Variants in PRKCA observed in about 807,000 individuals in gnomAD.
PRKCA encodes protein kinase C alpha type.
Under a neutral mutation model 87.0 loss-of-function variants are expected in PRKCA, and 27 were observed. The observed-to-expected ratio is 0.31, with a 90% CI of 0.23 to 0.43. The LOEUF is 0.43. Among genes scored for constraint, PRKCA ranks in the 20% least tolerant of loss-of-function variants. PRKCA has a pLI of 1.00. For synonymous variants in PRKCA, 329 were observed against 311.1 expected, an observed-to-expected ratio of 1.06 and a Z score of -0.61; for missense variants, 518 against 852.3, an observed-to-expected ratio of 0.61 and a Z score of 4.88.
intron 3 of PRKCA, among the ~76,000 whole-genome samples, chr17:66,622,364 C>T (rs550533616): frequency 7.2e-5 from 11 of 152,166 alleles, no homozygotes; most frequent in East Asian, 1.9e-4. Flanking sequence ...CAAACAGATA[C>T]GTTTACCATC....
intron 10 of PRKCA, 80 bp downstream of exon 10, chr17:66,735,742 G>C: frequency 6.7e-7 from 1 of 1,495,480 alleles, no homozygotes; most frequent in Non-Finnish European, 9.1e-7. Flanking sequence ...TAGCATCCTT[G>C]TTCCTTTGGA....
At chr17:66,730,919 T>A (rs1261268929) in intron 8 of PRKCA, among the ~76,000 whole-genome samples, 1 of 152,194 alleles carries the variant, frequency 6.6e-6, no homozygotes, top group Non-Finnish European at 1.5e-5. Flanking sequence ...CTGCTGCTGA[T>A]CCATAGTAAA....
intron 3 of PRKCA, among the ~76,000 whole-genome samples, chr17:66,594,261 C>T (rs567375509): frequency 7.2e-5 from 11 of 152,256 alleles, no homozygotes; most frequent in African/African-American, 2.2e-4. Flanking sequence ...CAAATCTGAT[C>T]GCGTTGCCCA....
At chr17:66,517,935 G>A (rs922461896) in intron 3 of PRKCA, among the ~76,000 whole-genome samples, 5 of 152,286 alleles carry the variant, frequency 3.3e-5, no homozygotes, top group East Asian at 1.9e-4. Flanking sequence ...GGATGGTTGT[G>A]AGTACGGCTG....
At chr17:66,347,415 T>C (rs1416614861) in intron 2 of PRKCA, among the ~76,000 whole-genome samples, 1 of 152,240 alleles carries the variant, frequency 6.6e-6, no homozygotes, top group Non-Finnish European at 1.5e-5. Flanking sequence ...TAACTGGAGA[T>C]ATTCTTTGAT....
At chr17:66,614,385 C>A (rs191911345) in intron 3 of PRKCA, among the ~76,000 whole-genome samples, 2 of 152,170 alleles carry the variant, frequency 1.3e-5, no homozygotes, top group African/African-American at 4.8e-5. Flanking sequence ...ATCTACCACA[C>A]GTGAGGCAGT....
intron 3 of PRKCA, among the ~76,000 whole-genome samples, chr17:66,544,060 C>T (rs949474894): frequency 6.6e-6 from 1 of 152,090 alleles, no homozygotes; most frequent in Non-Finnish European, 1.5e-5. Flanking sequence ...AAAAAAAATA[C>T]AAAAATTAGC....
intron 14 of PRKCA, among the ~76,000 whole-genome samples, chr17:66,778,446 G>A (rs1417838047): frequency 2.6e-5 from 4 of 152,196 alleles, no homozygotes; most frequent in South Asian, 2.1e-4. Context: ...AACCCGGGAG[G>A]CGGAGCTTGC....
At chr17:66,320,092 G>T (rs1567770149) in intron 2 of PRKCA, among the ~76,000 whole-genome samples, 1 of 152,086 alleles carries the variant, frequency 6.6e-6, no homozygotes, top group Non-Finnish European at 1.5e-5. Context: ...CCTTCTTGGT[G>T]AATCCTGTTG....
Position 66,310,308 on chromosome 17 carries a change from G to A in PRKCA, c.205+4181G>A, listed in dbSNP as rs777745323. Among the ~76,000 whole-genome samples the A allele has an allele frequency of 7.4e-4, 112 of 151,952 alleles. 1 individual carries two copies. The highest frequency in any genetic ancestry group is 1.5e-3 in the Non-Finnish European group (99 of 68,002). On this transcript the variant is annotated intron_variant, in intron 2 of 16. Coordinates refer to ENST00000413366, the MANE Select transcript of PRKCA (RefSeq NM_002737.3). The stretch of plus-strand genomic sequence containing the variant: ...GAGGTGAAGATACTCAAGAGACAGC[G>A]TGAGAATTAAGCTCTGTCAGTAACC...
At position 66,784,636 on chromosome 17, in the gene PRKCA, G is replaced by A. The variant is rs60395922; in HGVS notation, c.1606-2231G>A. 7.6e-3 allele frequency among the ~76,000 whole-genome samples: 1,151 copies of A among 152,330 alleles called. 15 individuals carry two copies. Among genetic ancestry groups the A allele is most frequent in the East Asian group, 0.025 (129 of 5,184 alleles). ...ATTAGGGAAAATGAGAAATGTTATG[G>A]GTATCATAAAATAGATGTCCAGAAG... On this transcript the variant is annotated intron_variant, in intron 14 of 16. Transcript: ENST00000413366.
chr17:66,307,868 C>G (rs114039133), intron 2 of PRKCA, among the ~76,000 whole-genome samples: 225 of 152,288 alleles, frequency 1.5e-3, no homozygotes, highest in African/African-American at 4.8e-3. Context: ...TTTCCCTCCT[C>G]CAGAGATAAC....
At chr17:66,566,867 A>T (rs1968921054) in intron 3 of PRKCA, among the ~76,000 whole-genome samples, 2 of 152,178 alleles carry the variant, frequency 1.3e-5, no homozygotes, top group Admixed American at 6.5e-5. Context: ...AGTATAGGCC[A>T]TGAGCCCCTT....
intron 2 of PRKCA, among the ~76,000 whole-genome samples, chr17:66,310,995 C>T (rs1398876929): frequency 6.6e-6 from 1 of 152,074 alleles, no homozygotes; most frequent in Non-Finnish European, 1.5e-5. Flanking sequence ...CTGCATTGAC[C>T]GCTGCTTGCA....
intron 3 of PRKCA, among the ~76,000 whole-genome samples, chr17:66,624,826 A>AT (rs1567939159): frequency 5.0e-4 from 76 of 151,426 alleles, no homozygotes; most frequent in African/African-American, 1.7e-3. Context: ...AAATAAATAA[A>AT]AAGAATTATT....
intron 2 of PRKCA, among the ~76,000 whole-genome samples, chr17:66,377,660 T>C (rs1909512741): frequency 7.0e-6 from 1 of 142,282 alleles, no homozygotes; most frequent in Admixed American, 7.0e-5. Context: ...GTCTATATTA[T>C]ATATATAAAA....
chr17:66,388,227 T>A (rs1456270819), intron 2 of PRKCA, among the ~76,000 whole-genome samples: 2 of 152,086 alleles, frequency 1.3e-5, no homozygotes, highest in East Asian at 3.9e-4. Context: ...ATCATAGACA[T>A]GCTTTCATTA....
intron 2 of PRKCA, among the ~76,000 whole-genome samples, chr17:66,439,370 CAG>C (rs1250933203): frequency 6.6e-6 from 1 of 152,012 alleles, no homozygotes; most frequent in Admixed American, 6.6e-5. Context: ...TTAGTAGAGA[CAG>C]GGTTTCAGCA....
chr17:66,731,351 GAAAAAAA>G (rs5821509), intron 8 of PRKCA, among the ~76,000 whole-genome samples: 2 of 112,466 alleles, frequency 1.8e-5, no homozygotes, highest in Non-Finnish European at 3.5e-5. Context: ...CTCCGTCTCA[GAAAAAAA>G]AAAAAAAAAA....
Sources: allele counts gnomAD v4.1 joint callset (sites outside exome capture counted in the v4.1 genomes callset), GRCh38; gene constraint gnomAD v4.1.1; transcripts MANE v1.5; gene names NCBI Gene and HGNC (gene_info 2026-07-23, HGNC 2026-07-21).